THSD4: variants seen among roughly 807,000 people sequenced by gnomAD.
The protein encoded by THSD4 is thrombospondin type 1 domain containing 4.
THSD4 carries 69 observed loss-of-function variants against 119.0 expected under a neutral mutation model. That is an observed-to-expected ratio of 0.58 (90% confidence interval 0.48 to 0.71). THSD4 has a LOEUF of 0.71. Ranked by LOEUF, THSD4 falls within the 30% of genes least tolerant of loss-of-function variation. The probability of loss-of-function intolerance (pLI) is 0.00; values close to 1 mark genes in which losing one functional copy is unlikely to be tolerated. For missense variants in THSD4, 1,393 were observed against 1,391.1 expected, an observed-to-expected ratio of 1.00 and a Z score of -0.02; for synonymous variants, 524 against 540.4, an observed-to-expected ratio of 0.97 and a Z score of 0.42.
At chr15:71,592,005 C>G (rs1567052077) in intron 7 of THSD4, among the ~76,000 whole-genome samples, 1 of 152,154 alleles carries the variant, frequency 6.6e-6, no homozygotes, top group Non-Finnish European at 1.5e-5. Flanking sequence ...TAATGCCCCT[C>G]ATTTTAAAGA....
chr15:71,566,732 G>C (rs1488072452), intron 7 of THSD4, among the ~76,000 whole-genome samples: 1 of 151,022 alleles, frequency 6.6e-6, no homozygotes, highest in Admixed American at 6.6e-5. Context: ...TTATCCCAGG[G>C]CCCCCCCTCT....
intron 7 of THSD4, among the ~76,000 whole-genome samples, chr15:71,429,178 T>C (rs1320176767): frequency 1.3e-5 from 2 of 152,088 alleles, no homozygotes; most frequent in African/African-American, 4.8e-5. Flanking sequence ...CACAGGAAAA[T>C]CGGAGGAGAA....
chr15:71,570,875 G>T (rs1332087812), intron 7 of THSD4, among the ~76,000 whole-genome samples: 1 of 152,140 alleles, frequency 6.6e-6, no homozygotes, highest in Non-Finnish European at 1.5e-5. Context: ...GGTGTCTGTG[G>T]CTCCAGGCAG....
intron 7 of THSD4, among the ~76,000 whole-genome samples, chr15:71,651,565 C>T (rs746001632): frequency 4.3e-4 from 65 of 152,132 alleles, no homozygotes; most frequent in Non-Finnish European, 6.6e-4. Flanking sequence ...ATATATTCCC[C>T]AATGTTGTAA....
At chr15:71,611,169 G>A (rs1175082512) in intron 7 of THSD4, among the ~76,000 whole-genome samples, 1 of 152,220 alleles carries the variant, frequency 6.6e-6, no homozygotes, top group Non-Finnish European at 1.5e-5. Flanking sequence ...TTGCAGTTGT[G>A]CAATCAGTAA....
At chr15:71,111,032 C>A, upstream of THSD4, 1 of 1,196,496 alleles carries the variant, frequency 8.4e-7, no homozygotes, top group Non-Finnish European at 1.2e-6. Context: ...GAGAAGCAGC[C>A]TCGGATCCGG....
intron 6 of THSD4, among the ~76,000 whole-genome samples, chr15:71,313,800 A>G (rs1336875336): frequency 6.6e-6 from 1 of 152,134 alleles, no homozygotes; most frequent in Non-Finnish European, 1.5e-5. Flanking sequence ...GCAGGTTTGT[A>G]CCGACTGGGG....
At chr15:71,239,176 A>G (rs187145292) in intron 4 of THSD4, among the ~76,000 whole-genome samples, 6 of 152,350 alleles carry the variant, frequency 3.9e-5, no homozygotes, top group Admixed American at 3.3e-4. Context: ...GTAACTATCT[A>G]TAACAAAGGT....
intron 8 of THSD4, among the ~76,000 whole-genome samples, chr15:71,682,630 A>C (rs759190240): frequency 6.6e-6 from 1 of 151,178 alleles, no homozygotes; most frequent in Non-Finnish European, 1.5e-5. Flanking sequence ...GTATAAAATG[A>C]GAAGGTAGAT....
chr15:71,135,579 C>T (rs1055802264), intron 1 of THSD4, among the ~76,000 whole-genome samples: 66 of 152,136 alleles, frequency 4.3e-4, no homozygotes, highest in African/African-American at 1.5e-3. Context: ...CTATGCCTTC[C>T]TCCGTTTTTC....
intron 7 of THSD4, among the ~76,000 whole-genome samples, chr15:71,528,692 A>G (rs2048564423): frequency 6.6e-6 from 1 of 152,186 alleles, no homozygotes. Context: ...TGTTACTGAC[A>G]CTGGAATATC....
chr15:71,353,395 T>C (rs564440855), intron 6 of THSD4, among the ~76,000 whole-genome samples: 82 of 152,338 alleles, frequency 5.4e-4, no homozygotes, highest in Non-Finnish European at 8.5e-4. Flanking sequence ...AACCATCATG[T>C]GATTCAGCTT....
chr15:71,419,856 A>C, intron 7 of THSD4, among the ~76,000 whole-genome samples: 1 of 107,740 alleles, frequency 9.3e-6, no homozygotes, highest in Non-Finnish European at 2.0e-5. Flanking sequence ...TGTTATTTCC[A>C]TGTTTTTGAA....
At chr15:71,412,634 C>G (rs1352576214) in intron 7 of THSD4, among the ~76,000 whole-genome samples, 1 of 152,120 alleles carries the variant, frequency 6.6e-6, no homozygotes, top group African/African-American at 2.4e-5. Flanking sequence ...AGGAAGAGCT[C>G]TTTGGCTATG....
At chr15:71,604,991 T>C (rs1291843377) in intron 7 of THSD4, among the ~76,000 whole-genome samples, 2 of 152,056 alleles carry the variant, frequency 1.3e-5, no homozygotes, top group African/African-American at 4.8e-5. Flanking sequence ...GGAAGACCTT[T>C]TTGGGAAGGC....
At chr15:71,136,268 G>A (rs1207298245) in intron 1 of THSD4, among the ~76,000 whole-genome samples, 1 of 152,124 alleles carries the variant, frequency 6.6e-6, no homozygotes, top group African/African-American at 2.4e-5. Context: ...GGGAGCCAAC[G>A]TCCTGATGCT....
chr15:71,728,439 A>G, intron 8 of THSD4, 110 bp from the exon 9 acceptor site: 2 of 1,318,224 alleles, frequency 1.5e-6, no homozygotes, highest in Non-Finnish European at 2.1e-6. Flanking sequence ...CACATAGTGG[A>G]TCCTGTCAAA....
intron 2 of THSD4, among the ~76,000 whole-genome samples, chr15:71,144,446 G>A (rs990756615): frequency 6.6e-6 from 1 of 152,004 alleles, no homozygotes; most frequent in African/African-American, 2.4e-5. Context: ...ACATGTGAAG[G>A]GATTTTTAAT....
intron 7 of THSD4, among the ~76,000 whole-genome samples, chr15:71,557,437 C>A (rs1183893812): frequency 1.3e-5 from 2 of 151,934 alleles, no homozygotes; most frequent in East Asian, 3.8e-4. Flanking sequence ...GTAAACTTTT[C>A]TTTCTTATGG....
Sources: gnomAD v4.1 joint callset for allele counts (sites outside exome capture counted in the v4.1 genomes callset) on GRCh38, gnomAD v4.1.1 for gene constraint, MANE v1.5 for transcripts, NCBI Gene and HGNC (gene_info 2026-07-23, HGNC 2026-07-21) for gene names.